Variants in PFKL observed in about 807,000 individuals in gnomAD.
The protein encoded by PFKL is phosphofructokinase, liver type, also known as ATP-dependent 6-phosphofructokinase, liver type.
In PFKL, 74 loss-of-function variants were observed where a neutral mutation model predicts 92.1. The observed-to-expected ratio is 0.80, with a 90% CI of 0.67 to 0.97. The LOEUF is 0.97. PFKL is among the 50% of genes least tolerant of loss of function. The probability of loss-of-function intolerance (pLI) is 0.00; values close to 1 mark genes in which losing one functional copy is unlikely to be tolerated. For missense variants in PFKL, 1,028 were observed against 1,116.6 expected, an observed-to-expected ratio of 0.92 and a Z score of 1.13; for synonymous variants, 494 against 456.4, an observed-to-expected ratio of 1.08 and a Z score of -1.05.
At position 44,323,867 on chromosome 21, in the gene PFKL, T is replaced by C. The variant is rs1263578132; in HGVS notation, c.1599T>C (p.Pro533=). The change falls in exon 16 of 22, where the codon CCT becomes CCC. Residue 533 remains proline (P), a synonymous_variant. Coordinates refer to ENST00000349048, the MANE Select transcript of PFKL (RefSeq NM_002626.6). ...CAGCCACCATCAGCAACAACGTCCC[T>C]GGCACCGACTTCAGCCTGGGCTCCG... The part of the protein sequence containing the change: ...VIPATISNNV[P]GTDFSLGSDT... 1.3e-5 allele frequency: 21 copies of C among 1,613,422 alleles called. No individual in the cohort carries two copies. Among genetic ancestry groups the C allele is most frequent in the Non-Finnish European group, 1.8e-5 (21 of 1,179,962 alleles).
intron 11 of PFKL, 126 bp downstream of exon 11, chr21:44,319,541 G>A (rs1484926276): frequency 3.6e-6 from 3 of 826,470 alleles, no homozygotes; most frequent in Admixed American, 2.0e-5. Context: ...TCTGAAGATC[G>A]AGGGAGGAAG....
At position 44,320,342 on chromosome 21, in the gene PFKL, G is replaced by A. The variant is rs114710069; in HGVS notation, c.1191+195G>A. 1.4e-3 allele frequency: 712 copies of A among 510,518 alleles called. 5 individuals are homozygous for A. Among genetic ancestry groups the A allele is most frequent in the African/African-American group, 0.013 (651 of 50,966 alleles). The allele number at this position is 510,518 out of a possible 1,614,324, so 31.6% of individuals were successfully genotyped here. ...GTGGCTGGCAGGTCCCGGGTGCTGG[G>A]ACCCTGGCTGCAGGGCTGGCTGTTG... On this transcript the variant is annotated intron_variant, in intron 12 of 21. Coordinates refer to ENST00000349048, the MANE Select transcript of PFKL (RefSeq NM_002626.6).
Position 44,313,705 on chromosome 21 carries a change from G to T in PFKL, c.638+23G>T, listed in dbSNP as rs575351696. The stretch of plus-strand genomic sequence containing the variant: ...CGGGTGAGGAGGGGCTTCCTGGCCC[G>T]CTGGGTGGCCCGGGTGCTGCTGGGG... On this transcript the variant is annotated intron_variant, in intron 6 of 21. Transcript: ENST00000349048. 12 of 1,604,842 alleles carry T rather than the reference G, an allele frequency of 7.5e-6. No individual in the cohort carries two copies. The East Asian group carries it at 1.3e-4, about 18-fold the overall frequency.
intron 2 of PFKL, among the ~76,000 whole-genome samples, chr21:44,310,032 C>T (rs1055672194): frequency 2.6e-5 from 4 of 152,252 alleles, no homozygotes; most frequent in African/African-American, 7.2e-5. Context: ...AGCAGAAGCC[C>T]ACAGCTGAGC....
At chr21:44,319,569 A>C in intron 11 of PFKL, 154 bp downstream of exon 11, 1 of 682,074 alleles carries the variant, frequency 1.5e-6, no homozygotes, top group Non-Finnish European at 2.6e-6. Flanking sequence ...CGGGTGGTAC[A>C]GGAGGCGGGC....
intron 11 of PFKL, 37 bp downstream of exon 11, chr21:44,319,452 G>T: frequency 6.4e-7 from 1 of 1,567,226 alleles, no homozygotes. Flanking sequence ...CTCTTACATG[G>T]CTGGGTCCCG....
intron 2 of PFKL, 124 bp from the exon 3 acceptor site, chr21:44,310,863 AGGCCCTGGGATGATGGTGG>A (rs2047021424): frequency 8.0e-6 from 5 of 625,812 alleles, no homozygotes; most frequent in Non-Finnish European, 1.4e-5. Context: ...CCTGTTACCC[AGGCCCTGGGATGATGGTGG>A]GGCCTCACAG....
In PFKL at chr21:44,306,752, G is replaced by C; in HGVS notation, c.157G>C (p.Glu53Gln). The C allele has an allele frequency of 1.2e-6, 2 of 1,613,550 alleles. No homozygotes were observed. Among genetic ancestry groups the C allele is most frequent in the South Asian group, 1.1e-5 (1 of 90,996 alleles). Residue 53 changes from glutamate to glutamine, a missense_variant and splice_region_variant, in exon 2 of 22, where the codon GAG becomes CAG. Glu to Gln is a conservative substitution (Grantham distance 29). Transcript: ENST00000349048. ...GGGTGCCAAAGTCTTCCTCATCTAC[G>C]AGGTAAGGCCAAGGTGGGCTGTGTG... Reference protein sequence around the residue: ...YVGAKVFLIYEGYEGLVEGGE... With the variant: ...YVGAKVFLIYQGYEGLVEGGE...
At chr21:44,302,660 G>A (rs1452360212) in intron 1 of PFKL, among the ~76,000 whole-genome samples, 1 of 152,222 alleles carries the variant, frequency 6.6e-6, no homozygotes, top group Non-Finnish European at 1.5e-5. Flanking sequence ...CCCCAATGCT[G>A]AAGTCTGCGT....
At chr21:44,314,184 C>G (rs978355024) in intron 7 of PFKL, 163 bp downstream of exon 7, 6 of 607,994 alleles carry the variant, frequency 9.9e-6, no homozygotes, top group Non-Finnish European at 1.8e-5. Flanking sequence ...TGGGGGGCTA[C>G]GGGGCTGACC....
chr21:44,313,623 G>T lies in PFKL; in HGVS notation c.594-15G>T, dbSNP rs1224823355. On this transcript the variant is annotated splice_polypyrimidine_tract_variant and intron_variant, in intron 5 of 21. Transcript: ENST00000349048. ...GTGGCTGGCACTGATGCATCCTCCT[G>T]TTCCATCTCCACAGCCACCAGAGGA... The T allele has an allele frequency of 1.9e-6, 3 of 1,610,046 alleles. No homozygotes were observed. Among genetic ancestry groups the T allele is most frequent in the Non-Finnish European group, 2.5e-6 (3 of 1,178,858 alleles).
intron 1 of PFKL, chr21:44,305,347 G>T: frequency 7.3e-7 from 1 of 1,366,076 alleles, no homozygotes; most frequent in Non-Finnish European, 9.8e-7. Context: ...CAGGGTAGAG[G>T]TCGAGAGTCC....
intron 17 of PFKL, 40 bp downstream of exon 17, chr21:44,324,695 C>G (rs1389951620): frequency 1.3e-6 from 2 of 1,562,530 alleles, no homozygotes; most frequent in East Asian, 4.5e-5. Context: ...GACCTGCCGG[C>G]ATGCCAGCCT....
chr21:44,306,106 G>A (rs77632771), intron 1 of PFKL, among the ~76,000 whole-genome samples: 2 of 151,320 alleles, frequency 1.3e-5, no homozygotes, highest in African/African-American at 2.4e-5. Context: ...CCATCCCCAC[G>A]CCGCAGCCTG....
chr21:44,302,787 C>T (rs1281576363), intron 1 of PFKL, among the ~76,000 whole-genome samples: 1 of 152,226 alleles, frequency 6.6e-6, no homozygotes, highest in East Asian at 1.9e-4. Flanking sequence ...GACAGGCCAC[C>T]TTGCAAGTTC....
chr21:44,307,312 C>T (rs989296750), intron 2 of PFKL: 1 of 985,230 alleles, frequency 1.0e-6, no homozygotes, highest in Admixed American at 6.1e-5. Context: ...AGATTTGGGG[C>T]TCGCCCTCCG....
rs750084636 is a variant in PFKL at position 44,323,009 on chromosome 21, T to G, written c.1457T>G (p.Ile486Ser). The change falls in exon 15 of 22, where the codon ATC becomes AGC. Residue 486 changes from isoleucine (I) to serine (S), a missense_variant. Ile to Ser is a moderately radical substitution (Grantham distance 142). Coordinates refer to ENST00000349048, the MANE Select transcript of PFKL (RefSeq NM_002626.6). ...GAGTCCATTGTGGAGAACATCCGCA[T>G]CTATGGTATTCACGCCCTGCTGGTG... is the stretch of plus-strand genomic sequence containing the variant. ...QLESIVENIR[I>S]YGIHALLVVG... 6.2e-7 allele frequency: 1 copy of G among 1,613,140 alleles called. No homozygotes were observed. Among genetic ancestry groups the G allele is most frequent in the Non-Finnish European group, 8.5e-7 (1 of 1,179,686 alleles).
chr21:44,314,204 C>T, intron 7 of PFKL, 183 bp downstream of exon 7: 1 of 594,172 alleles, frequency 1.7e-6, no homozygotes, highest in East Asian at 2.8e-5. Flanking sequence ...CTCAGTGAGG[C>T]ACCTGTGGTC....
In PFKL at chr21:44,306,672, C is replaced by G; in HGVS notation, c.86-9C>G. On this transcript the variant is annotated splice_polypyrimidine_tract_variant and intron_variant, in intron 1 of 21. Coordinates refer to ENST00000349048, the MANE Select transcript of PFKL (RefSeq NM_002626.6). ...CGTGGGACTGACAGGTTTGCCCTGA[C>G]CTCCACAGGCATGAACGCTGCTGTC... 6.2e-7 allele frequency: 1 copy of G among 1,612,738 alleles called. No individual in the cohort carries two copies. The highest frequency in any genetic ancestry group is 8.5e-7 in the Non-Finnish European group (1 of 1,179,408).
Sources: allele counts gnomAD v4.1 joint callset (sites outside exome capture counted in the v4.1 genomes callset), GRCh38; gene constraint gnomAD v4.1.1; transcripts MANE v1.5; gene names NCBI Gene and HGNC (gene_info 2026-07-23, HGNC 2026-07-21).